CLTC: variants seen among roughly 807,000 people sequenced by gnomAD.
The protein encoded by CLTC is clathrin heavy chain 1.
In CLTC, 16 loss-of-function variants were observed where a neutral mutation model predicts 195.8. The ratio of observed to expected loss-of-function variants is 0.08; its 90% CI spans 0.06 to 0.12. CLTC has a LOEUF of 0.12. CLTC is among the 10% of genes least tolerant of loss of function. The pLI, the probability that CLTC is intolerant of heterozygous loss-of-function variation, is 1.00. For missense variants in CLTC, 796 were observed against 2,027.0 expected, an observed-to-expected ratio of 0.39 and a Z score of 11.66; for synonymous variants, 667 against 689.4, an observed-to-expected ratio of 0.97 and a Z score of 0.51.
At position 59,675,360 on chromosome 17, in the gene CLTC, A is replaced by G. The variant is rs182727086; in HGVS notation, c.2561+517A>G. On this transcript the variant is annotated intron_variant, in intron 16 of 31. Transcript: ENST00000269122. ...TAGAATATAGTATAAGTGCTTCTAAAACTTACAGACTGTGAAGTCTTTTTT... is the reference window on the plus strand; with the variant it reads ...TAGAATATAGTATAAGTGCTTCTAAGACTTACAGACTGTGAAGTCTTTTTT... Among the ~76,000 whole-genome samples the G allele has an allele frequency of 9.3e-4, 141 of 152,302 alleles. 1 individual carries two copies. The highest frequency in any genetic ancestry group is 3.2e-3 in the African/African-American group (135 of 41,574).
intron 17 of CLTC, among the ~76,000 whole-genome samples, chr17:59,677,529 C>A (rs566319758): frequency 1.3e-5 from 2 of 152,174 alleles, no homozygotes; most frequent in South Asian, 4.1e-4. Context: ...GGCCTTATAC[C>A]CCTTCCGAGT....
chr17:59,685,948 ATT>A lies in CLTC; in HGVS notation c.4827+148_4827+149del. 1.5e-6 allele frequency: 1 copy of A among 647,278 alleles called. No homozygotes were observed. The highest frequency in any genetic ancestry group is 2.5e-6 in the Non-Finnish European group (1 of 403,490). 40.1% of individuals were successfully genotyped at this position (647,278 alleles called of 1,614,324 possible). On this transcript the variant is annotated intron_variant, in intron 30 of 31. Transcript: ENST00000269122. This position sits in a 1 kb window ranked among gnomAD's most constrained non-coding sequence, Gnocchi z 5.0. Reference sequence around the variant, plus strand: ...CATAAAATATTCCTGTTCTTTTGAAATTTTTTTTTAATAGCTGACAAATGACA... The same window carrying A: ...CATAAAATATTCCTGTTCTTTTGAAATTTTTTTAATAGCTGACAAATGACA...
rs2143540761 is a variant in CLTC at position 59,660,454 on chromosome 17, C to G, written c.1033C>G (p.Pro345Ala). 2 of 1,614,140 alleles carry G rather than the reference C, an allele frequency of 1.2e-6. No individual in the cohort carries two copies. The highest frequency in any genetic ancestry group is 1.7e-6 in the Non-Finnish European group (2 of 1,180,008). The change falls in exon 7 of 32, where the codon CCT (proline) becomes GCT (alanine). Residue 345 changes from proline (P) to alanine (A), a missense_variant. Transcript: ENST00000269122. ...TTACATCACCAATGTTCTACAAAATCCTGATTTGGCTCTGAGAATGGCTGT... is the reference window on the plus strand; with the variant it reads ...TTACATCACCAATGTTCTACAAAATGCTGATTTGGCTCTGAGAATGGCTGT... ...IPYITNVLQN[P>A]DLALRMAVRN...
At chr17:59,680,228 TATAAG>T (rs1386092911) in intron 18 of CLTC, among the ~76,000 whole-genome samples, 42 of 152,010 alleles carry the variant, frequency 2.8e-4, no homozygotes, top group African/African-American at 8.9e-4. Flanking sequence ...GTCAGAAAAA[TATAAG>T]GATAAGAGAA....
At chr17:59,680,836 T>C in intron 18 of CLTC, 76 bp from the exon 19 acceptor site, 1 of 1,247,078 alleles carries the variant, frequency 8.0e-7, no homozygotes, top group South Asian at 1.8e-5. Context: ...TTTCAAGTTT[T>C]CTAATGAGAG....
intron 3 of CLTC, among the ~76,000 whole-genome samples, chr17:59,647,958 G>A (rs1422252693): frequency 1.3e-5 from 2 of 151,938 alleles, no homozygotes; most frequent in Non-Finnish European, 2.9e-5. Flanking sequence ...GAATGATTTG[G>A]GATTTATTAT....
In CLTC at chr17:59,682,383, G is replaced by A; in HGVS notation, c.3555G>A (p.Glu1185=). The A allele has an allele frequency of 6.2e-7, 1 of 1,614,152 alleles. No individual in the cohort carries two copies. Among genetic ancestry groups the A allele is most frequent in the Non-Finnish European group, 8.5e-7 (1 of 1,179,996 alleles). Residue 1185 remains glutamate, a synonymous_variant, in exon 22 of 32, where the codon GAG becomes GAA. Transcript: ENST00000269122. The surrounding 1 kb of genome is among the most constrained non-coding windows in gnomAD (Gnocchi z 6.8). ...TGGCTAAAACAAACCGCCTTGCAGA[G>A]TTAGAAGAATTTATCAATGGACCAA... is the stretch of plus-strand genomic sequence containing the variant. ...FALAKTNRLA[E]LEEFINGPNN... is the part of the protein sequence containing the mutation.
intron 17 of CLTC, among the ~76,000 whole-genome samples, chr17:59,678,818 T>C (rs1325036797): frequency 6.7e-6 from 1 of 149,628 alleles, no homozygotes; most frequent in African/African-American, 2.5e-5. Context: ...CTGGGCAACA[T>C]AGCGAGCCCC....
In CLTC at chr17:59,647,681, A is replaced by AG. The variant is rs111231220; in HGVS notation, c.519+15_519+16insG. Reference sequence around the variant, plus strand: ...TATCTGCACAGGTAACATTTTAACTATTTTTTTATGAAGAAGAGGTTTAGA... The same window carrying AG: ...TATCTGCACAGGTAACATTTTAACTAGTTTTTTTATGAAGAAGAGGTTTAGA... On this transcript the variant is annotated intron_variant, in intron 3 of 31. Transcript: ENST00000269122. The AG allele has an allele frequency of 6.2e-7, 1 of 1,608,324 alleles. No homozygotes were observed.
At chr17:59,690,988 T>C (rs2033284377) in intron 31 of CLTC, among the ~76,000 whole-genome samples, 1 of 152,188 alleles carries the variant, frequency 6.6e-6, no homozygotes, top group Non-Finnish European at 1.5e-5. Context: ...TACCTGCTCA[T>C]AAATTACTGA....
At chr17:59,624,347 T>C (rs2031476948) in intron 1 of CLTC, among the ~76,000 whole-genome samples, 1 of 152,092 alleles carries the variant, frequency 6.6e-6, no homozygotes, top group Non-Finnish European at 1.5e-5. Context: ...GTGAGTTCTC[T>C]CTACTTGTTT....
At chr17:59,663,145 A>G (rs1008402137) in intron 8 of CLTC, among the ~76,000 whole-genome samples, 1 of 152,240 alleles carries the variant, frequency 6.6e-6, no homozygotes, top group Non-Finnish European at 1.5e-5. Context: ...AATATCATTT[A>G]TAAGAGCTAG....
At chr17:59,622,359 T>C (rs1314163654) in intron 1 of CLTC, among the ~76,000 whole-genome samples, 1 of 152,164 alleles carries the variant, frequency 6.6e-6, no homozygotes, top group African/African-American at 2.4e-5. Context: ...TAACTTCATA[T>C]CATTATCTCC....
In CLTC at chr17:59,695,547, A is replaced by G. The variant is rs910218815; in HGVS notation, c.*1695A>G. ...GGATGCCTATAAGATCCTAGCTGCT[A>G]CTCAGGAGGCAGGAGGCTGAGGCAT... On this transcript the variant is annotated 3_prime_UTR_variant, in exon 32 of 32. Transcript: ENST00000269122. 5.6e-6 allele frequency: 1 copy of G among 177,594 alleles called. No homozygotes were observed. The highest frequency in any genetic ancestry group is 6.3e-5 in the Admixed American group (1 of 15,780). 11.0% of individuals were successfully genotyped at this position (177,594 alleles called of 1,614,324 possible).
chr17:59,666,408 C>A lies in CLTC; in HGVS notation c.1783-72C>A. 6.5e-7 allele frequency: 1 copy of A among 1,546,094 alleles called. No individual in the cohort carries two copies. The highest frequency in any genetic ancestry group is 1.2e-5 in the South Asian group (1 of 83,978). On this transcript the variant is annotated intron_variant, in intron 11 of 31. Transcript: ENST00000269122. The surrounding 1 kb of genome is among the most constrained non-coding windows in gnomAD (Gnocchi z 4.9). Reference sequence around the variant, plus strand: ...TAACAGTTCACTATTAAACCTTAATCTGTAATACGGATATTGAATTACTCA... The same window carrying A: ...TAACAGTTCACTATTAAACCTTAATATGTAATACGGATATTGAATTACTCA...
intron 1 of CLTC, among the ~76,000 whole-genome samples, chr17:59,623,646 T>G (rs1480230076): frequency 6.6e-6 from 1 of 152,242 alleles, no homozygotes; most frequent in African/African-American, 2.4e-5. Context: ...CTCAGCTTCT[T>G]TGCAAAATTG....
intron 1 of CLTC, among the ~76,000 whole-genome samples, chr17:59,627,796 C>T (rs1480787861): frequency 6.6e-6 from 1 of 152,200 alleles, no homozygotes. Flanking sequence ...GAACTTGTCA[C>T]ACTTTTCTAT....
At chr17:59,661,346 G>C in intron 7 of CLTC, 97 bp from the exon 8 acceptor site, 1 of 884,456 alleles carries the variant, frequency 1.1e-6, no homozygotes, top group Non-Finnish European at 1.9e-6. Flanking sequence ...GATCTCTACA[G>C]GGTGTTTAGT....
chr17:59,632,398 A>G (rs2031750122), intron 1 of CLTC, among the ~76,000 whole-genome samples: 1 of 151,494 alleles, frequency 6.6e-6, no homozygotes, highest in Non-Finnish European at 1.5e-5. Flanking sequence ...TTTAGAAACC[A>G]AAATAATTGG....
Sources: allele counts gnomAD v4.1 joint callset (sites outside exome capture counted in the v4.1 genomes callset), GRCh38; gene constraint gnomAD v4.1.1; non-coding constraint Gnocchi (gnomAD v3.1); transcripts MANE v1.5; gene names NCBI Gene and HGNC (gene_info 2026-07-23, HGNC 2026-07-21).